MCM9: variants seen among roughly 807,000 people sequenced by gnomAD.
MCM9 encodes the protein DNA helicase MCM9.
In MCM9, 55 loss-of-function variants were observed where a neutral mutation model predicts 72.8. The observed-to-expected ratio is 0.76, with a 90% CI of 0.61 to 0.95. The LOEUF is 0.95. Ranked by LOEUF, MCM9 falls within the 40% of genes least tolerant of loss-of-function variation. MCM9 has a pLI of 0.00. For missense variants in MCM9, 1,279 were observed against 1,377.0 expected (o/e 0.93, Z 1.13); for synonymous variants, 480 against 503.4 (o/e 0.95, Z 0.62).
Position 118,815,449 on chromosome 6 carries a change from T to C in MCM9, c.2807A>G (p.Glu936Gly). The C allele has an allele frequency of 6.5e-7, 1 of 1,550,362 alleles. No homozygotes were observed. Among genetic ancestry groups the C allele is most frequent in the African/African-American group, 1.4e-5 (1 of 73,138 alleles). Residue 936 changes from glutamate (E) to glycine (G), a missense_variant, in exon 14 of 14, where the codon GAA (glutamate) becomes GGA (glycine). By Grantham distance (98) the Glu-to-Gly change is moderately conservative. Coordinates refer to ENST00000619706, the MANE Select transcript of MCM9 (RefSeq NM_017696.3). The part of the protein sequence containing the change: ...KQKSKLIHSF[E>G]DHSHVSPGAT... ...ACCAGGTGACACATGGCTGTGATCTTCAAAGGAGTGGATCAGTTTTGACTT... is the reference window on the plus strand; with the variant it reads ...ACCAGGTGACACATGGCTGTGATCTCCAAAGGAGTGGATCAGTTTTGACTT...
At chr6:118,872,134 G>A (rs558944086) in intron 8 of MCM9, among the ~76,000 whole-genome samples, 10 of 151,974 alleles carry the variant, frequency 6.6e-5, no homozygotes, top group Admixed American at 2.0e-4. Context: ...TGGCTAACAC[G>A]GTGAAACCCT....
chr6:118,845,133 G>A (rs1273443009), intron 9 of MCM9, among the ~76,000 whole-genome samples: 2 of 151,682 alleles, frequency 1.3e-5, no homozygotes, highest in Non-Finnish European at 2.9e-5. Context: ...GAGACAGGAA[G>A]GAGAACTCAT....
intron 8 of MCM9, chr6:118,910,729 C>A: frequency 1.0e-6 from 1 of 985,368 alleles, no homozygotes. Flanking sequence ...AGTTTGTCTA[C>A]CCTTCTCAAT....
chr6:118,900,016 A>G (rs548864899), intron 8 of MCM9, among the ~76,000 whole-genome samples: 51 of 152,382 alleles, frequency 3.3e-4, no homozygotes, highest in African/African-American at 1.2e-3. Flanking sequence ...AAACATGCTC[A>G]GTAAAATCCG....
chr6:118,840,169 A>ATT lies in MCM9; in HGVS notation c.1326-10921_1326-10920dup, dbSNP rs36155062. ...ACTGTAGATGGTAGATTTTTATGTT[A>ATT]TTTTTTTTTTTTTCTCCACACACAC... On this transcript the variant is annotated intron_variant, in intron 9 of 13. Transcript: ENST00000619706. Among the ~76,000 whole-genome samples the ATT allele has an allele frequency of 2.3e-3, 334 of 145,732 alleles. 1 individual carries two copies. Among genetic ancestry groups the ATT allele is most frequent in the Middle Eastern group, 7.1e-3 (2 of 280 alleles).
At chr6:118,909,499 C>T (rs528221640) in intron 8 of MCM9, among the ~76,000 whole-genome samples, 1 of 151,986 alleles carries the variant, frequency 6.6e-6, no homozygotes, top group East Asian at 1.9e-4. Context: ...TTTTTTCCAC[C>T]CGGTCTAGCG....
intron 8 of MCM9, among the ~76,000 whole-genome samples, chr6:118,906,757 G>C (rs1780206482): frequency 6.6e-6 from 1 of 152,168 alleles, no homozygotes; most frequent in African/African-American, 2.4e-5. Context: ...TAACAGTTTG[G>C]TAACTGGTGA....
intron 8 of MCM9, among the ~76,000 whole-genome samples, chr6:118,891,235 C>T (rs922590626): frequency 7.9e-5 from 12 of 152,142 alleles, no homozygotes; most frequent in East Asian, 1.9e-4. Flanking sequence ...ACTCCACATA[C>T]GCCACACCCT....
intron 8 of MCM9, among the ~76,000 whole-genome samples, chr6:118,867,113 A>G (rs1024971718): frequency 3.3e-5 from 5 of 152,188 alleles, no homozygotes; most frequent in African/African-American, 1.2e-4. Flanking sequence ...GGGGTGATAA[A>G]GACTTTCTCA....
At position 118,816,165 on chromosome 6, in the gene MCM9, A is replaced by G; in HGVS notation, c.2091T>C (p.Tyr697=). The change falls in exon 14 of 14, where the codon TAT becomes TAC. Residue 697 remains tyrosine, a synonymous_variant. Coordinates refer to ENST00000619706, the MANE Select transcript of MCM9 (RefSeq NM_017696.3). Reference sequence around the variant, plus strand: ...CTCCAGGAGAGAAGATATGTGTGCTATAGTTGATTTCCTGCTGTGATGAAG... The same window carrying G: ...CTCCAGGAGAGAAGATATGTGTGCTGTAGTTGATTTCCTGCTGTGATGAAG... ...FRTSSQQEIN[Y]STHIFSPGGS... is the part of the protein sequence containing the mutation. The G allele has an allele frequency of 6.4e-7, 1 of 1,550,468 alleles. No homozygotes were observed. The highest frequency in any genetic ancestry group is 8.7e-7 in the Non-Finnish European group (1 of 1,146,934).
At chr6:118,847,303 G>T (rs553185506) in intron 9 of MCM9, among the ~76,000 whole-genome samples, 1 of 150,730 alleles carries the variant, frequency 6.6e-6, no homozygotes, top group South Asian at 2.1e-4. Flanking sequence ...GGGAGCAAAG[G>T]ACATGGACAA....
rs562088200 is a variant in MCM9 at position 118,859,134 on chromosome 6, G to C, written c.1151-2589C>G. On this transcript the variant is annotated intron_variant, in intron 8 of 13. Coordinates refer to ENST00000619706, the MANE Select transcript of MCM9 (RefSeq NM_017696.3). ...ATAGAAGGTCAAGTGATTTTTTATA[G>C]AAAATAAAAAGGCAATTCAATGGAG... 4.6e-5 allele frequency among the ~76,000 whole-genome samples: 7 copies of C among 152,094 alleles called. No individual in the cohort carries two copies. In the South Asian group the frequency reaches 1.4e-3, roughly 32 times the overall value.
chr6:118,884,959 G>A (rs1452643238), intron 8 of MCM9, among the ~76,000 whole-genome samples: 2 of 152,156 alleles, frequency 1.3e-5, no homozygotes, highest in Non-Finnish European at 2.9e-5. Flanking sequence ...CACTTTAGGA[G>A]GTCGAGGTGG....
At chr6:118,896,713 G>A (rs1010840265) in intron 8 of MCM9, among the ~76,000 whole-genome samples, 4 of 152,110 alleles carry the variant, frequency 2.6e-5, no homozygotes, top group Admixed American at 2.0e-4. Flanking sequence ...TGCCATGCCT[G>A]TATACTCCAC....
At chr6:118,876,418 G>A (rs1777935153) in intron 8 of MCM9, among the ~76,000 whole-genome samples, 1 of 152,120 alleles carries the variant, frequency 6.6e-6, no homozygotes. Context: ...TTGGTTTATC[G>A]GTTGTAATGA....
intron 8 of MCM9, among the ~76,000 whole-genome samples, chr6:118,899,939 A>G (rs1779689788): frequency 6.6e-6 from 1 of 152,232 alleles, no homozygotes; most frequent in African/African-American, 2.4e-5. Context: ...CTTCTTCCTC[A>G]GCTAAACAGG....
In MCM9 at chr6:118,814,435, G is replaced by A. The variant is rs1773284439; in HGVS notation, c.*389C>T. On this transcript the variant is annotated 3_prime_UTR_variant, in exon 14 of 14. Coordinates refer to ENST00000619706, the MANE Select transcript of MCM9 (RefSeq NM_017696.3). ...AGAAAAGAGTTCATCTGCCTTGTTA[G>A]ATTTATGAGTGCTACCTTCTTGACA... 6.4e-6 allele frequency: 1 copy of A among 157,420 alleles called. No homozygotes were observed. Among genetic ancestry groups the A allele is most frequent in the African/African-American group, 2.4e-5 (1 of 40,894 alleles). The allele number at this position is 157,420 out of a possible 1,614,324, so 9.8% of individuals were successfully genotyped here.
intron 8 of MCM9, chr6:118,894,352 G>A (rs926999319): frequency 6.5e-7 from 1 of 1,533,220 alleles, no homozygotes; most frequent in Non-Finnish European, 8.7e-7. Flanking sequence ...GAGCGGCCGC[G>A]CGCTGGACTT....
chr6:118,871,702 G>A (rs1777607829), intron 8 of MCM9, among the ~76,000 whole-genome samples: 1 of 152,026 alleles, frequency 6.6e-6, no homozygotes, highest in Non-Finnish European at 1.5e-5. Flanking sequence ...AGATCACGAG[G>A]TCAGGAGATA....
Sources: allele counts gnomAD v4.1 joint callset (sites outside exome capture counted in the v4.1 genomes callset), GRCh38; gene constraint gnomAD v4.1.1; transcripts MANE v1.5; gene names NCBI Gene and HGNC (gene_info 2026-07-23, HGNC 2026-07-21).